The following TMEM178B variants were observed in gnomAD, a reference collection of about 807,000 sequenced individuals.
TMEM178B encodes transmembrane protein 178B.
In TMEM178B, 5 loss-of-function variants were observed where a neutral mutation model predicts 31.0. The observed-to-expected ratio is 0.16, with a 90% CI of 0.08 to 0.34. The LOEUF (loss-of-function observed/expected upper bound fraction) is 0.34. TMEM178B is among the 10% of genes least tolerant of loss of function. The pLI, the probability that TMEM178B is intolerant of heterozygous loss-of-function variation, is 1.00. For missense variants in TMEM178B, 275 were observed against 400.3 expected (o/e 0.69, Z 2.67); for synonymous variants, 164 against 164.0 (o/e 1.00, Z 0.00).
chr7:141,461,245 G>T lies in TMEM178B; in HGVS notation c.635-9291G>T, dbSNP rs1802054304. ...GACCTCCCTGATACACAGCCACGTG[G>T]GTGTTTCTGCAGAGCCTGCCTTGCA... On this transcript the variant is annotated intron_variant, in intron 3 of 3. Transcript: ENST00000565468. The surrounding 1 kb of genome is among the most constrained non-coding windows in gnomAD (Gnocchi z 4.0). Among the ~76,000 whole-genome samples, 1 of 152,160 alleles carries T rather than the reference G, an allele frequency of 6.6e-6. No individual in the cohort carries two copies. Among genetic ancestry groups the T allele is most frequent in the South Asian group, 2.1e-4 (1 of 4,832 alleles).
At chr7:141,368,246 G>T (rs1041687837) in intron 2 of TMEM178B, among the ~76,000 whole-genome samples, 1 of 152,150 alleles carries the variant, frequency 6.6e-6, no homozygotes, top group African/African-American at 2.4e-5. Context: ...TTGAACCTGG[G>T]GGGTGGAGGT....
intron 2 of TMEM178B, among the ~76,000 whole-genome samples, chr7:141,310,804 T>C (rs1339069399): frequency 1.3e-5 from 2 of 152,210 alleles, no homozygotes; most frequent in African/African-American, 4.8e-5. Context: ...ACTGGATATA[T>C]ACCCAAAGGA....
At chr7:141,215,851 TTCTTTC>T (rs1340809461) in intron 2 of TMEM178B, among the ~76,000 whole-genome samples, 7 of 141,044 alleles carry the variant, frequency 5.0e-5, no homozygotes, top group South Asian at 5.5e-4. Context: ...TTCTTTTCTT[TTCTTTC>T]TCTTTCTTTC....
rs1320255063 is a variant in TMEM178B, at chr7:141,461,178, T to C, written c.635-9358T>C. Among the ~76,000 whole-genome samples, 3 of 152,188 alleles carry C rather than the reference T, an allele frequency of 2.0e-5. No individual in the cohort carries two copies. Among genetic ancestry groups the C allele is most frequent in the African/African-American group, 7.2e-5 (3 of 41,448 alleles). ...TTGGTTTTAAAGATTGGAGAGGGAA[T>C]AGAGGGAGGTGTCTCATGGAGGACT... On this transcript the variant is annotated intron_variant, in intron 3 of 3. Transcript: ENST00000565468. This position sits in a 1 kb window ranked among gnomAD's most constrained non-coding sequence, Gnocchi z 4.0.
intron 2 of TMEM178B, among the ~76,000 whole-genome samples, chr7:141,341,132 C>T (rs1002050340): frequency 1.3e-5 from 2 of 152,078 alleles, no homozygotes; most frequent in Non-Finnish European, 2.9e-5. Flanking sequence ...TTTTTGACCC[C>T]GTTTGGAGTT....
intron 2 of TMEM178B, among the ~76,000 whole-genome samples, chr7:141,375,526 A>T (rs1397011543): frequency 6.6e-6 from 1 of 152,230 alleles, no homozygotes; most frequent in Non-Finnish European, 1.5e-5. Context: ...AGCAAACTGC[A>T]TTACATCCTG....
In TMEM178B at chr7:141,171,454, C is replaced by G. The variant is rs1796348491; in HGVS notation, c.383-41137C>G. ...TCTGGGAGCTCAAGTAACTTGCCCA[C>G]AATCACTTAGCTGGCAAGTGATGGA... On this transcript the variant is annotated intron_variant, in intron 1 of 3. Transcript: ENST00000565468. The surrounding 1 kb of genome is among the most constrained non-coding windows in gnomAD (Gnocchi z 4.3). Among the ~76,000 whole-genome samples, 1 of 152,214 alleles carries G rather than the reference C, an allele frequency of 6.6e-6. No homozygotes were observed. The highest frequency in any genetic ancestry group is 1.5e-5 in the Non-Finnish European group (1 of 68,040).
chr7:141,160,393 C>T (rs1430693083), intron 1 of TMEM178B, among the ~76,000 whole-genome samples: 1 of 152,164 alleles, frequency 6.6e-6, no homozygotes, highest in East Asian at 1.9e-4. Flanking sequence ...TTTTGCTGTC[C>T]CACTGGCCTG....
chr7:141,453,866 A>G (rs1468572534), intron 3 of TMEM178B, among the ~76,000 whole-genome samples: 2 of 151,922 alleles, frequency 1.3e-5, no homozygotes, highest in African/African-American at 2.4e-5. Context: ...CCATTTTTAT[A>G]TATCCCTATG....
In TMEM178B at chr7:141,229,097, T is replaced by TG. The variant is rs1478597603; in HGVS notation, c.496+16394dup. On this transcript the variant is annotated intron_variant, in intron 2 of 3. Coordinates refer to ENST00000565468, the MANE Select transcript of TMEM178B (RefSeq NM_001195278.2). ...TTTTTTTTGCAAAATGATGTGTGTG[T>TG]GTGGTGTGTGTGTGTGTGTGTGTGT... Among the ~76,000 whole-genome samples the TG allele has an allele frequency of 8.0e-4, 90 of 112,888 alleles. 1 individual carries two copies. Among genetic ancestry groups the TG allele is most frequent in the African/African-American group, 2.9e-3 (85 of 28,930 alleles). 74.1% of individuals were successfully genotyped at this position (112,888 alleles called of 152,430 possible).
At chr7:141,196,703 T>C (rs1254549025) in intron 1 of TMEM178B, among the ~76,000 whole-genome samples, 1 of 152,112 alleles carries the variant, frequency 6.6e-6, no homozygotes, top group African/African-American at 2.4e-5. Flanking sequence ...TCAAACTATA[T>C]TTGGTGCTGA....
intron 1 of TMEM178B, among the ~76,000 whole-genome samples, chr7:141,092,626 T>G (rs151286040): frequency 6.6e-6 from 1 of 152,316 alleles, no homozygotes; most frequent in African/African-American, 2.4e-5. Context: ...GATGCAGTAG[T>G]TCACTAAATA....
intron 1 of TMEM178B, among the ~76,000 whole-genome samples, chr7:141,186,960 C>CT (rs1314841384): frequency 1.3e-5 from 2 of 152,126 alleles, no homozygotes; most frequent in Admixed American, 1.3e-4. Flanking sequence ...TATTATTATA[C>CT]TTTAAGTTCT....
rs561681812 is a variant in TMEM178B at position 141,074,914 on chromosome 7, C to A, written c.382+222C>A. 6.6e-6 allele frequency among the ~76,000 whole-genome samples: 1 copy of A among 152,360 alleles called. No individual in the cohort carries two copies. The highest frequency in any genetic ancestry group is 2.1e-4 in the South Asian group (1 of 4,826). The stretch of plus-strand genomic sequence containing the variant: ...TCTCTCCCCTGCCTCTCCTTTCGCG[C>A]GTCTCTGTCGGGATTCGAGTGGAAC... On this transcript the variant is annotated intron_variant, in intron 1 of 3. Coordinates refer to ENST00000565468, the MANE Select transcript of TMEM178B (RefSeq NM_001195278.2). The surrounding 1 kb of genome is among the most constrained non-coding windows in gnomAD (Gnocchi z 5.1).
intron 2 of TMEM178B, among the ~76,000 whole-genome samples, chr7:141,332,259 T>C (rs1799311912): frequency 6.6e-6 from 1 of 152,242 alleles, no homozygotes. Flanking sequence ...TAACTCTCAT[T>C]CTTTTAATTA....
rs374803833 is a variant in TMEM178B at position 141,401,652 on chromosome 7, C to A, written c.497-35956C>A. 9.2e-5 allele frequency among the ~76,000 whole-genome samples: 14 copies of A among 152,186 alleles called. No homozygotes were observed. In the East Asian group the frequency reaches 2.7e-3, roughly 29 times the overall value. ...GCCCAGGCTGGTCAAGAGATTCTCC[C>A]AACTTGGCCTCCTAAAGTGCTGGAA... On this transcript the variant is annotated intron_variant, in intron 2 of 3. Transcript: ENST00000565468.
intron 1 of TMEM178B, among the ~76,000 whole-genome samples, chr7:141,105,814 G>A (rs533127092): frequency 6.6e-6 from 1 of 152,050 alleles, no homozygotes; most frequent in East Asian, 1.9e-4. Flanking sequence ...TTAGTTTGGG[G>A]CCAGGCATGG....
At chr7:141,124,082 A>G (rs1036377304) in intron 1 of TMEM178B, among the ~76,000 whole-genome samples, 29 of 151,830 alleles carry the variant, frequency 1.9e-4, no homozygotes, top group African/African-American at 7.0e-4. Flanking sequence ...AAGGTTTCAA[A>G]CAGGCTGGGT....
chr7:141,087,333 A>T (rs1467714289), intron 1 of TMEM178B, among the ~76,000 whole-genome samples: 1 of 152,228 alleles, frequency 6.6e-6, no homozygotes, highest in Admixed American at 6.5e-5. Context: ...GATGTGTAAG[A>T]GGAGGAAATC....
Sources: allele counts gnomAD v4.1 joint callset (sites outside exome capture counted in the v4.1 genomes callset), GRCh38; gene constraint gnomAD v4.1.1; non-coding constraint Gnocchi (gnomAD v3.1); transcripts MANE v1.5; gene names NCBI Gene and HGNC (gene_info 2026-07-23, HGNC 2026-07-21).